The following OPCML variants were observed in gnomAD, a reference collection of about 807,000 sequenced individuals.
OPCML encodes the protein opioid binding protein/cell adhesion molecule like, also known as opioid-binding protein/cell adhesion molecule.
OPCML carries 13 observed loss-of-function variants against 37.8 expected under a neutral mutation model. That is an observed-to-expected ratio of 0.34 (90% CI 0.22 to 0.55). The LOEUF is 0.55. Ranked by LOEUF, OPCML falls within the 20% of genes least tolerant of loss-of-function variation. OPCML has a pLI of 0.91. For missense variants in OPCML, 341 were observed against 435.6 expected, an observed-to-expected ratio of 0.78 and a Z score of 1.93; for synonymous variants, 176 against 168.8, an observed-to-expected ratio of 1.04 and a Z score of -0.33.
intron 1 of OPCML, among the ~76,000 whole-genome samples, chr11:133,017,292 A>T (rs1947351800): frequency 1.3e-5 from 2 of 152,088 alleles, no homozygotes; most frequent in African/African-American, 4.8e-5. Context: ...GGGGTTCAAC[A>T]TGTGATATCT....
intron 1 of OPCML, among the ~76,000 whole-genome samples, chr11:133,342,773 C>G (rs757041401): frequency 2.0e-5 from 3 of 152,094 alleles, no homozygotes; most frequent in Non-Finnish European, 4.4e-5. Context: ...TCCGAGAAGG[C>G]CGTTTGGGAC....
chr11:132,422,006 A>G (rs2095961006), intron 7 of OPCML, among the ~76,000 whole-genome samples: 1 of 152,144 alleles, frequency 6.6e-6, no homozygotes, highest in Admixed American at 6.5e-5. Flanking sequence ...ATATGGGCAG[A>G]TTCATAAGGC....
At chr11:133,491,149 C>T (rs1026603136) in intron 1 of OPCML, among the ~76,000 whole-genome samples, 10 of 152,142 alleles carry the variant, frequency 6.6e-5, no homozygotes, top group African/African-American at 2.2e-4. Context: ...TGTGCAGTGT[C>T]GGATGATGCC....
intron 1 of OPCML, among the ~76,000 whole-genome samples, chr11:132,989,206 A>G (rs1327873640): frequency 6.6e-6 from 1 of 152,208 alleles, no homozygotes; most frequent in Non-Finnish European, 1.5e-5. Flanking sequence ...AACCCTGTTC[A>G]CAAGAGGAAA....
At chr11:132,555,724 C>T (rs906394493) in intron 3 of OPCML, among the ~76,000 whole-genome samples, 2 of 152,078 alleles carry the variant, frequency 1.3e-5, no homozygotes, top group East Asian at 3.9e-4. Context: ...ACCATGCCCC[C>T]TTCATCCATT....
intron 1 of OPCML, among the ~76,000 whole-genome samples, chr11:133,017,237 C>T (rs1043772838): frequency 6.6e-6 from 1 of 152,098 alleles, no homozygotes; most frequent in Admixed American, 6.5e-5. Context: ...ACAACTTAAT[C>T]ACCTCCCAAA....
chr11:132,907,401 A>G (rs1341110949), intron 2 of OPCML, among the ~76,000 whole-genome samples: 1 of 152,090 alleles, frequency 6.6e-6, no homozygotes, highest in East Asian at 1.9e-4. Flanking sequence ...GGGAGGCCGA[A>G]GCTGGTGGAT....
chr11:132,969,716 T>C (rs1946298259), intron 1 of OPCML, among the ~76,000 whole-genome samples: 1 of 152,180 alleles, frequency 6.6e-6, no homozygotes, highest in Non-Finnish European at 1.5e-5. Context: ...ATAATTTTTT[T>C]AAACTTAGGT....
intron 3 of OPCML, among the ~76,000 whole-genome samples, chr11:132,644,191 T>G (rs1941019232): frequency 6.6e-6 from 1 of 151,966 alleles, no homozygotes. Flanking sequence ...ATAGGGCTTA[T>G]TTTTTTTCCT....
intron 7 of OPCML, among the ~76,000 whole-genome samples, chr11:132,433,338 A>G (rs763404414): frequency 4.6e-5 from 7 of 152,160 alleles, no homozygotes; most frequent in Non-Finnish European, 7.4e-5. Context: ...GTCAGAAAAT[A>G]TCACCCTACT....
chr11:133,090,486 G>A (rs1453280909), intron 1 of OPCML, among the ~76,000 whole-genome samples: 2 of 152,180 alleles, frequency 1.3e-5, no homozygotes, highest in African/African-American at 2.4e-5. Flanking sequence ...TAGAAATATA[G>A]ATGGCAAAGG....
chr11:132,521,919 G>T (rs886711916), intron 4 of OPCML, among the ~76,000 whole-genome samples: 2 of 152,090 alleles, frequency 1.3e-5, no homozygotes, highest in Non-Finnish European at 2.9e-5. Flanking sequence ...GAGTCATATA[G>T]GTACCATAAC....
intron 2 of OPCML, among the ~76,000 whole-genome samples, chr11:132,847,120 G>A (rs372483204): frequency 1.3e-5 from 2 of 152,214 alleles, no homozygotes; most frequent in Admixed American, 6.5e-5. Flanking sequence ...AGAATCTGAG[G>A]GTAAGCACAG....
chr11:133,295,202 G>A (rs1362909188), intron 1 of OPCML, among the ~76,000 whole-genome samples: 4 of 152,162 alleles, frequency 2.6e-5, no homozygotes, highest in Admixed American at 6.5e-5. Flanking sequence ...TAACCAAAGA[G>A]TAAAGAACGT....
At chr11:133,204,884 A>ATGTGTGTATATATATATATATATGTG (rs1555114209) in intron 1 of OPCML, among the ~76,000 whole-genome samples, 1 of 36,286 alleles carries the variant, frequency 2.8e-5, no homozygotes, top group Non-Finnish European at 7.5e-5. Context: ...ATATATATAT[A>ATGTGTGTATATATATATATATATGTG]TATATATATA....
Position 132,980,847 on chromosome 11 carries a change from C to T in OPCML, c.62-37837G>A, listed in dbSNP as rs138752545. Among the ~76,000 whole-genome samples the T allele has an allele frequency of 2.8e-3, 423 of 152,288 alleles. 2 individuals carry two copies. The highest frequency in any genetic ancestry group is 9.5e-3 in the African/African-American group (394 of 41,564). On this transcript the variant is annotated intron_variant, in intron 1 of 7. Coordinates refer to ENST00000524381, the MANE Select transcript of OPCML (RefSeq NM_001012393.5). ...AGTCCGCTGTGAATTTCGAGGTGTA[C>T]GGTGACTTATTTCACAGCACATACA...
intron 2 of OPCML, among the ~76,000 whole-genome samples, chr11:132,706,927 T>C (rs1591492498): frequency 6.6e-6 from 1 of 152,338 alleles, no homozygotes; most frequent in Non-Finnish European, 1.5e-5. Flanking sequence ...GCAATTAACC[T>C]CTCAAAGAGC....
chr11:133,270,848 G>A (rs192255413), intron 1 of OPCML, among the ~76,000 whole-genome samples: 1 of 152,298 alleles, frequency 6.6e-6, no homozygotes, highest in Non-Finnish European at 1.5e-5. Flanking sequence ...ACCTGATATA[G>A]TCTCTGCTGT....
intron 1 of OPCML, among the ~76,000 whole-genome samples, chr11:133,019,167 GA>G (rs1487464026): frequency 6.6e-6 from 1 of 152,180 alleles, no homozygotes; most frequent in East Asian, 1.9e-4. Context: ...GTTGCCTTTT[GA>G]AAAGCCAGGC....
Sources: gnomAD v4.1 joint callset for allele counts (sites outside exome capture counted in the v4.1 genomes callset) on GRCh38, gnomAD v4.1.1 for gene constraint, MANE v1.5 for transcripts, NCBI Gene and HGNC (gene_info 2026-07-23, HGNC 2026-07-21) for gene names.